The following DSCAML1 variants were observed in gnomAD, a reference collection of about 807,000 sequenced individuals.
The protein encoded by DSCAML1 is cell adhesion molecule DSCAML1.
Under a neutral mutation model 200.5 loss-of-function variants are expected in DSCAML1, and 38 were observed. That is an observed-to-expected ratio of 0.19 (90% CI 0.15 to 0.25). DSCAML1 has a LOEUF of 0.25. Among genes scored for constraint, DSCAML1 ranks in the 10% least tolerant of loss-of-function variants. The probability of loss-of-function intolerance (pLI) is 1.00; values close to 1 mark genes in which losing one functional copy is unlikely to be tolerated. For missense variants in DSCAML1, 2,223 were observed against 2,858.8 expected (o/e 0.78, Z 5.07); for synonymous variants, 1,215 against 1,165.0 (o/e 1.04, Z -0.87).
rs1432015998 is a variant in DSCAML1, at chr11:117,431,506, C to A, written c.5374+28G>T. The stretch of plus-strand genomic sequence containing the variant: ...TGATGGGGAACTGGGGGGAGGTGTT[C>A]AGGATGCCAGCAGGGCCTTAGGCAC... On this transcript the variant is annotated intron_variant, in intron 31 of 32. Transcript: ENST00000651296. 2.6e-6 allele frequency: 4 copies of A among 1,514,890 alleles called. No homozygotes were observed. In the South Asian group the frequency reaches 5.3e-5, roughly 20 times the overall value. The allele number at this position is 1,514,890 out of a possible 1,614,324, so 93.8% of individuals were successfully genotyped here.
intron 4 of DSCAML1, 146 bp downstream of exon 4, chr11:117,532,230 G>C: frequency 1.4e-6 from 1 of 707,550 alleles, no homozygotes; most frequent in Non-Finnish European, 2.2e-6. Flanking sequence ...GGTGGTTTCA[G>C]TACCTGATTT....
At chr11:117,643,192 C>T (rs2052446960) in intron 3 of DSCAML1, among the ~76,000 whole-genome samples, 2 of 152,144 alleles carry the variant, frequency 1.3e-5, no homozygotes, top group South Asian at 4.1e-4. Context: ...AGCTTGTAAA[C>T]TTATGGACCA....
intron 27 of DSCAML1, 64 bp downstream of exon 27, chr11:117,435,580 G>C (rs780388527): frequency 5.0e-5 from 76 of 1,524,738 alleles, no homozygotes; most frequent in African/African-American, 2.3e-4. Flanking sequence ...GCCAGGGAAG[G>C]GGGGGGACAA....
intron 3 of DSCAML1, among the ~76,000 whole-genome samples, chr11:117,672,388 A>T (rs2053129296): frequency 6.6e-6 from 1 of 152,032 alleles, no homozygotes; most frequent in Non-Finnish European, 1.5e-5. Context: ...CTAACTGGCC[A>T]TTTTCCCCCC....
intron 3 of DSCAML1, among the ~76,000 whole-genome samples, chr11:117,565,302 GTCTTT>G (rs1440314650): frequency 2.0e-5 from 3 of 152,144 alleles, no homozygotes; most frequent in Non-Finnish European, 2.9e-5. Context: ...TTGAATATTT[GTCTTT>G]TCTTTATGTC....
At chr11:117,796,973 C>T (rs113876980) in intron 1 of DSCAML1, 61 bp downstream of exon 1, 67 of 1,218,128 alleles carry the variant, frequency 5.5e-5, no homozygotes, top group Admixed American at 8.6e-5. Flanking sequence ...CCCGCCTCGC[C>T]GCCAGCCGCG....
intron 3 of DSCAML1, among the ~76,000 whole-genome samples, chr11:117,674,133 T>C (rs543451595): frequency 1.4e-3 from 206 of 152,358 alleles, no homozygotes; most frequent in Middle Eastern, 3.4e-3. Context: ...TTGCCGGTAC[T>C]AGTTTAGATC....
chr11:117,780,231 G>GAAAGAAAGAAAAA lies in DSCAML1; in HGVS notation c.364+261_364+262insTTTTTCTTTCTTT, dbSNP rs1555032678. ...AAAGAGAGAGAGAGAAAGAAAGAAA[G>GAAAGAAAGAAAAA]GAAAGAAAGAAAGAAAGAAAGAAAG... is the stretch of plus-strand genomic sequence containing the variant. On this transcript the variant is annotated intron_variant, in intron 2 of 32. Transcript: ENST00000651296. This position sits in a 1 kb window ranked among gnomAD's most constrained non-coding sequence, Gnocchi z 4.8. Among the ~76,000 whole-genome samples the GAAAGAAAGAAAAA allele has an allele frequency of 1.3e-3, 78 of 60,708 alleles. No individual in the cohort carries two copies. Among genetic ancestry groups the GAAAGAAAGAAAAA allele is most frequent in the African/African-American group, 4.3e-3 (66 of 15,302 alleles). 39.8% of individuals were successfully genotyped at this position (60,708 alleles called of 152,430 possible). A position where few individuals can be genotyped will look rare whatever the true frequency, so the allele number is the denominator to read the frequency against.
intron 3 of DSCAML1, among the ~76,000 whole-genome samples, chr11:117,537,897 AG>A (rs1287322929): frequency 1.3e-5 from 2 of 152,212 alleles, no homozygotes; most frequent in African/African-American, 2.4e-5. Flanking sequence ...TTGGACTTCC[AG>A]TCTCCAGAAC....
intron 3 of DSCAML1, among the ~76,000 whole-genome samples, chr11:117,545,233 A>AC (rs1251424501): frequency 5.0e-4 from 75 of 149,440 alleles, no homozygotes; most frequent in Non-Finnish European, 8.4e-4. Flanking sequence ...CCGTAAAAAA[A>AC]AACACACACA....
intron 4 of DSCAML1, 42 bp from the exon 5 acceptor site, chr11:117,525,125 T>C: frequency 6.7e-7 from 1 of 1,482,968 alleles, no homozygotes; most frequent in Non-Finnish European, 8.9e-7. Context: ...CAGCCCTGGG[T>C]GGGATGAAGT....
At chr11:117,571,668 C>T (rs2050849605) in intron 3 of DSCAML1, among the ~76,000 whole-genome samples, 1 of 151,792 alleles carries the variant, frequency 6.6e-6, no homozygotes, top group South Asian at 2.1e-4. Context: ...AGCCCGTCCT[C>T]CCCCCACCTA....
At chr11:117,512,787 A>ACACACC (rs2049663668) in intron 8 of DSCAML1, among the ~76,000 whole-genome samples, 1 of 150,010 alleles carries the variant, frequency 6.7e-6, no homozygotes, top group South Asian at 2.2e-4. Flanking sequence ...ACACACACAC[A>ACACACC]CACACACACA....
At chr11:117,455,409 T>C (rs2048352970) in intron 19 of DSCAML1, among the ~76,000 whole-genome samples, 2 of 152,180 alleles carry the variant, frequency 1.3e-5, no homozygotes, top group African/African-American at 2.4e-5. Context: ...TAGTCATGCC[T>C]CTTCCTCAGT....
At chr11:117,441,469 C>T (rs1001626261) in intron 21 of DSCAML1, among the ~76,000 whole-genome samples, 1 of 152,126 alleles carries the variant, frequency 6.6e-6, no homozygotes, top group Non-Finnish European at 1.5e-5. Context: ...GAAGAGAGGA[C>T]GGGAGTGTCC....
intron 3 of DSCAML1, among the ~76,000 whole-genome samples, chr11:117,584,584 G>A (rs1480361885): frequency 2.6e-5 from 4 of 152,146 alleles, no homozygotes; most frequent in Non-Finnish European, 5.9e-5. Flanking sequence ...AGTTCTCAGC[G>A]CCTGGGTAGC....
chr11:117,517,419 G>A (rs1381972895), intron 7 of DSCAML1, among the ~76,000 whole-genome samples: 3 of 152,152 alleles, frequency 2.0e-5, no homozygotes, highest in Non-Finnish European at 4.4e-5. Context: ...GCTCCACAGG[G>A]TACAAGGTAC....
chr11:117,458,672 C>T (rs2048420496), intron 19 of DSCAML1, 82 bp downstream of exon 19: 3 of 1,538,566 alleles, frequency 1.9e-6, no homozygotes, highest in South Asian at 2.3e-5. Context: ...GTACCCTGCT[C>T]TCACCCTGCC....
At chr11:117,560,807 A>G (rs1363296702) in intron 3 of DSCAML1, among the ~76,000 whole-genome samples, 1 of 151,870 alleles carries the variant, frequency 6.6e-6, no homozygotes, top group Admixed American at 6.6e-5. Context: ...CTTCTCCCCC[A>G]CTGCCCATTC....
Sources: gnomAD v4.1 joint callset for allele counts (sites outside exome capture counted in the v4.1 genomes callset) on GRCh38, gnomAD v4.1.1 for gene constraint, Gnocchi (gnomAD v3.1) non-coding constraint, MANE v1.5 for transcripts, NCBI Gene and HGNC (gene_info 2026-07-23, HGNC 2026-07-21) for gene names.